The following ATG16L2 variants were observed in gnomAD, a reference collection of about 807,000 sequenced individuals.
The protein encoded by ATG16L2 is protein Atg16l2.
ATG16L2 carries 77 observed loss-of-function variants against 84.7 expected under a neutral mutation model. That is an observed-to-expected ratio of 0.91 (90% CI 0.76 to 1.10). ATG16L2 has a LOEUF of 1.10. Ranked by LOEUF, ATG16L2 falls within the 50% of genes least tolerant of loss-of-function variation. The pLI, the probability that ATG16L2 is intolerant of heterozygous loss-of-function variation, is 0.00. For synonymous variants in ATG16L2, 361 were observed against 342.8 expected (o/e 1.05, Z -0.59); for missense variants, 782 against 817.6 (o/e 0.96, Z 0.53).
At chr11:72,838,673 C>T (rs1170851554) in intron 5 of ATG16L2, 5 of 796,252 alleles carry the variant, frequency 6.3e-6, no homozygotes, top group South Asian at 1.6e-5. Flanking sequence ...ACACATAATC[C>T]TCCTTGTTTT....
chr11:72,828,447 T>C lies in ATG16L2; in HGVS notation c.1561T>C (p.Ser521Pro). 2 of 1,613,800 alleles carry C rather than the reference T, an allele frequency of 1.2e-6. No homozygotes were observed. The highest frequency in any genetic ancestry group is 1.7e-6 in the Non-Finnish European group (2 of 1,179,928). The change falls in exon 15 of 18, where the codon TCC (serine) becomes CCC (proline). Residue 521 changes from serine (S) to proline (P), a missense_variant. By Grantham distance (74) the Ser-to-Pro change is moderately conservative. Coordinates refer to ENST00000321297, the MANE Select transcript of ATG16L2 (RefSeq NM_033388.2). The stretch of plus-strand genomic sequence containing the variant: ...CGACCAACTGCACCTGCTCAGCTGT[T>C]CCCGAGACAACACACTCAAGGTCAT... ...SHDQLHLLSC[S>P]RDNTLKVIDL... is the part of the protein sequence containing the mutation.
At chr11:72,828,598 T>C in intron 15 of ATG16L2, 90 bp downstream of exon 15, 1 of 1,594,206 alleles carries the variant, frequency 6.3e-7, no homozygotes. Context: ...GAGCCCTCCC[T>C]GGAGGCCCCT....
In ATG16L2 at chr11:72,826,237, C is replaced by A; in HGVS notation, c.1167C>A (p.Asp389Glu). ...GCAGCATCACCAGTGTGGACTTTGA[C>A]CCCTCGGTGAGGAACTCTGCCCCAG... ...AGGSITSVDFDPSGYQVLAAT... is the reference protein window; with the variant it reads ...AGGSITSVDFEPSGYQVLAAT... Residue 389 changes from aspartate (D) to glutamate (E), a missense_variant, in exon 11 of 18, where the codon GAC (aspartate) becomes GAA (glutamate). By Grantham distance (45) the Asp-to-Glu change is conservative. Coordinates refer to ENST00000321297, the MANE Select transcript of ATG16L2 (RefSeq NM_033388.2). 1 of 1,613,870 alleles carries A rather than the reference C, an allele frequency of 6.2e-7. No homozygotes were observed. Among genetic ancestry groups the A allele is most frequent in the South Asian group, 1.1e-5 (1 of 91,010 alleles).
chr11:72,822,915 G>C lies in ATG16L2; in HGVS notation c.778G>C (p.Glu260Gln). 1 of 1,579,556 alleles carries C rather than the reference G, an allele frequency of 6.3e-7. No individual in the cohort carries two copies. The highest frequency in any genetic ancestry group is 8.6e-7 in the Non-Finnish European group (1 of 1,162,388). Residue 260 changes from glutamate to glutamine, a missense_variant, in exon 7 of 18, where the codon GAG becomes CAG. Transcript: ENST00000321297. The surrounding 1 kb of genome is among the most constrained non-coding windows in gnomAD (Gnocchi z 4.2). Reference sequence around the variant, plus strand: ...GACTCTGGCTCTGGCCCCTGAGCCAGAGCCCCTGGAGAAGGAAGCTTGTGA... The same window carrying C: ...GACTCTGGCTCTGGCCCCTGAGCCACAGCCCCTGGAGAAGGAAGCTTGTGA... ...RETLALAPEP[E>Q]PLEKEACEKW...
intron 2 of ATG16L2, among the ~76,000 whole-genome samples, chr11:72,817,440 C>T (rs558728285): frequency 2.6e-5 from 4 of 152,268 alleles, no homozygotes; most frequent in Admixed American, 6.5e-5. Context: ...AGGATGGTCT[C>T]GATCTCTTGA....
chr11:72,838,489 CTT>C, intron 5 of ATG16L2: 4 of 432,206 alleles, frequency 9.3e-6, no homozygotes, highest in Non-Finnish European at 1.7e-5. Flanking sequence ...GAGGCCTGTT[CTT>C]GAGTCTCATA....
At chr11:72,818,646 G>C (rs1859817677) in intron 3 of ATG16L2, 2 of 152,184 alleles carry the variant, frequency 1.3e-5, no homozygotes, top group African/African-American at 2.4e-5. Context: ...ACAACTTTAT[G>C]GTTGTAGAGG....
At position 72,823,339 on chromosome 11, in the gene ATG16L2, C is replaced by T. The variant is rs118167348; in HGVS notation, c.824+378C>T. 1.4e-3 allele frequency: 450 copies of T among 324,464 alleles called. 5 individuals are homozygous for T. In the East Asian group the frequency reaches 0.034, roughly 24 times the overall value. The allele number at this position is 324,464 out of a possible 1,614,324, so 20.1% of individuals were successfully genotyped here. ...CATGTGCATCCGCAGGGACATGAGG[C>T]CACAGGTGTGTACAAGCTTGACTGA... On this transcript the variant is annotated intron_variant, in intron 7 of 17. Transcript: ENST00000321297.
chr11:72,815,787 G>C (rs1056939442), intron 1 of ATG16L2: 25 of 152,334 alleles, frequency 1.6e-4, no homozygotes, highest in African/African-American at 5.1e-4. Flanking sequence ...TTGATGAGGA[G>C]GGAGCTAGGC....
chr11:72,823,669 C>A, intron 7 of ATG16L2: 1 of 458,432 alleles, frequency 2.2e-6, no homozygotes, highest in Admixed American at 2.4e-5. Context: ...AGGACACACC[C>A]TCTCCTGGGC....
At chr11:72,842,639 T>C (rs775282196) in exon 6 of ATG16L2, 5 of 1,613,926 alleles carry the variant, frequency 3.1e-6, no homozygotes, top group Non-Finnish European at 3.4e-6. Flanking sequence ...CTCTCATCCA[T>C]GGAGTGTCAC....
intron 14 of ATG16L2, among the ~76,000 whole-genome samples, chr11:72,828,063 C>A (rs902032362): frequency 2.6e-5 from 4 of 152,240 alleles, no homozygotes; most frequent in Non-Finnish European, 5.9e-5. Context: ...TTCTCTCTCT[C>A]ATATTTTTTA....
At chr11:72,827,577 AG>A (rs1860437473) in intron 14 of ATG16L2, among the ~76,000 whole-genome samples, 1 of 152,232 alleles carries the variant, frequency 6.6e-6, no homozygotes, top group African/African-American at 2.4e-5. Flanking sequence ...TTATATCAAA[AG>A]GAAAAAAATT....
At position 72,828,551 on chromosome 11, in the gene ATG16L2, C is replaced by T. The variant is rs373357084; in HGVS notation, c.1622+43C>T. On this transcript the variant is annotated intron_variant, in intron 15 of 17. Transcript: ENST00000321297. ...GCTGACCCTGTGGCCTTTGCTGGGA[C>T]AGCTGAGCCTCTCTTCTCCTGTAAT... is the stretch of plus-strand genomic sequence containing the variant. 1.9e-6 allele frequency: 3 copies of T among 1,612,166 alleles called. No homozygotes were observed. In the African/African-American group the frequency reaches 4.0e-5, roughly 22 times the overall value.
rs1488269661 is a variant in ATG16L2 at position 72,827,124 on chromosome 11, G to A, written c.1367-64G>A. 3.5e-5 allele frequency: 46 copies of A among 1,302,756 alleles called. 1 individual carries two copies. Among genetic ancestry groups the A allele is most frequent in the Non-Finnish European group, 4.8e-5 (43 of 902,314 alleles). The allele number at this position is 1,302,756 out of a possible 1,614,324, so 80.7% of individuals were successfully genotyped here. ...GTTCTGGGCCTCAGCTTCTCCATAT[G>A]TCCTGTGGGGTGGCTCCCGACAACC... On this transcript the variant is annotated intron_variant, in intron 13 of 17. Coordinates refer to ENST00000321297, the MANE Select transcript of ATG16L2 (RefSeq NM_033388.2).
chr11:72,841,454 C>A, intron 5 of ATG16L2: 1 of 1,610,398 alleles, frequency 6.2e-7, no homozygotes, highest in African/African-American at 1.3e-5. Flanking sequence ...GAACCCTTAC[C>A]GTTTGCTGAA....
intron 3 of ATG16L2, among the ~76,000 whole-genome samples, chr11:72,819,881 G>T (rs1033965728): frequency 1.3e-5 from 2 of 152,048 alleles, no homozygotes; most frequent in Non-Finnish European, 1.5e-5. Flanking sequence ...GAGTAGCTGG[G>T]ACTACAGGCG....
intron 2 of ATG16L2, 91 bp from the exon 3 acceptor site, chr11:72,817,665 T>G: frequency 7.8e-7 from 1 of 1,280,810 alleles, no homozygotes. Flanking sequence ...TAATGGCTCT[T>G]GTTTTAGGCT....
chr11:72,842,529 G>A, intron 5 of ATG16L2: 2 of 1,505,600 alleles, frequency 1.3e-6, no homozygotes, highest in Admixed American at 1.8e-5. Context: ...GTAAGGCAGA[G>A]ACTGCAGCCC....
Sources: allele counts gnomAD v4.1 joint callset (sites outside exome capture counted in the v4.1 genomes callset), GRCh38; gene constraint gnomAD v4.1.1; non-coding constraint Gnocchi (gnomAD v3.1); transcripts MANE v1.5; gene names NCBI Gene and HGNC (gene_info 2026-07-23, HGNC 2026-07-21).